The following GP6 variants were observed in gnomAD, a reference collection of about 807,000 sequenced individuals.
GP6 encodes the protein platelet glycoprotein VI.
A neutral mutation model predicts 37.3 loss-of-function variants in GP6; 45 were observed. That is an observed-to-expected ratio of 1.21 (90% CI 0.95 to 1.55). GP6 has a LOEUF of 1.55. GP6 is among the 40% of genes most tolerant of loss of function. The pLI, the probability that GP6 is intolerant of heterozygous loss-of-function variation, is 0.00. For synonymous variants in GP6, 340 were observed against 316.4 expected, an observed-to-expected ratio of 1.07 and a Z score of -0.79; for missense variants, 813 against 760.2, an observed-to-expected ratio of 1.07 and a Z score of -0.82.
chr19:55,037,546 A>G (rs2074878709), intron 1 of GP6, among the ~76,000 whole-genome samples: 1 of 149,704 alleles, frequency 6.7e-6, no homozygotes, highest in Non-Finnish European at 1.5e-5. Context: ...CATGTTGGTC[A>G]GGCTGGTCTC....
chr19:55,029,344 A>T (rs866275171), intron 3 of GP6, among the ~76,000 whole-genome samples: 11 of 2,272 alleles, frequency 4.8e-3, no homozygotes, highest in East Asian at 0.024. Flanking sequence ...ATATATATAT[A>T]TATATATATA....
rs915005564 is a variant in GP6 at position 55,038,242 on chromosome 19, C to T, written c.-6G>A. The T allele has an allele frequency of 1.9e-5, 30 of 1,585,846 alleles. No individual in the cohort carries two copies. The highest frequency in any genetic ancestry group is 2.6e-5 in the Non-Finnish European group (30 of 1,164,882). ...GCGGTCGGGGATGGAGACATGGTTC[C>T]TCAGCCCTGTCCTGAGCTCTGTGGC... On this transcript the variant is annotated 5_prime_UTR_variant, in exon 1 of 8. Coordinates refer to ENST00000310373, the MANE Select transcript of GP6 (RefSeq NM_001083899.2).
chr19:55,026,022 A>T (rs1039354456), intron 4 of GP6, among the ~76,000 whole-genome samples: 1 of 146,852 alleles, frequency 6.8e-6, no homozygotes, highest in Non-Finnish European at 1.5e-5. Context: ...AAAAAAAAAA[A>T]GCAGCAGCAT....
chr19:55,033,187 G>A (rs79093328), intron 1 of GP6, among the ~76,000 whole-genome samples: 3 of 133,432 alleles, frequency 2.2e-5, no homozygotes, highest in Non-Finnish European at 3.2e-5. Flanking sequence ...CGTGTTAGAC[G>A]CGGTGGACTC....
At chr19:55,018,184 G>A (rs1451152003) in intron 6 of GP6, among the ~76,000 whole-genome samples, 1 of 152,222 alleles carries the variant, frequency 6.6e-6, no homozygotes, top group African/African-American at 2.4e-5. Flanking sequence ...GTTTAGTCTG[G>A]AAGGAAATGG....
At chr19:55,018,835 T>C (rs2073969902) in intron 5 of GP6, 124 bp from the exon 6 acceptor site, 1 of 755,438 alleles carries the variant, frequency 1.3e-6, no homozygotes, top group Non-Finnish European at 2.4e-6. Flanking sequence ...GCACAGACAC[T>C]GAAGACAGAC....
intron 7 of GP6, among the ~76,000 whole-genome samples, chr19:55,015,431 T>C (rs1325398014): frequency 3.3e-5 from 5 of 152,184 alleles, no homozygotes; most frequent in Non-Finnish European, 7.3e-5. Context: ...ATCTGATGCA[T>C]TGCAAAAGAG....
At chr19:55,019,469 T>C (rs1375164084) in intron 5 of GP6, among the ~76,000 whole-genome samples, 9 of 152,172 alleles carry the variant, frequency 5.9e-5, no homozygotes, top group Admixed American at 5.9e-4. Flanking sequence ...TTCTTCCAAA[T>C]CCTCACCAAT....
At chr19:55,028,014 G>T in intron 3 of GP6, 152 bp from the exon 4 acceptor site, 1 of 778,296 alleles carries the variant, frequency 1.3e-6, no homozygotes, top group Non-Finnish European at 2.3e-6. Flanking sequence ...CAGAGAGGTC[G>T]AGTCACCCAG....
At chr19:55,034,158 G>GCA (rs147388002) in intron 1 of GP6, among the ~76,000 whole-genome samples, 3 of 147,382 alleles carry the variant, frequency 2.0e-5, no homozygotes, top group African/African-American at 7.9e-5. Context: ...GCATGTGTGT[G>GCA]TGTGTGTGTG....
At chr19:55,021,110 G>A (rs374399922) in intron 5 of GP6, among the ~76,000 whole-genome samples, 5 of 145,926 alleles carry the variant, frequency 3.4e-5, no homozygotes, top group Non-Finnish European at 7.5e-5. Context: ...TGTAATCCCA[G>A]CACTTTGGGA....
At chr19:55,030,554 G>C (rs2074521115) in intron 3 of GP6, among the ~76,000 whole-genome samples, 1 of 151,940 alleles carries the variant, frequency 6.6e-6, no homozygotes, top group South Asian at 2.1e-4. Flanking sequence ...TGTTGGCCAG[G>C]CTGGTCTCAA....
intron 3 of GP6, among the ~76,000 whole-genome samples, chr19:55,031,739 C>T (rs1001312128): frequency 2.0e-5 from 3 of 152,084 alleles, no homozygotes; most frequent in Admixed American, 2.0e-4. Flanking sequence ...AGCAACATAG[C>T]GAGACCCTAT....
chr19:55,023,259 AT>A (rs2074147804), intron 5 of GP6, among the ~76,000 whole-genome samples: 1 of 152,240 alleles, frequency 6.6e-6, no homozygotes, highest in African/African-American at 2.4e-5. Flanking sequence ...TGGGGAAAGG[AT>A]TCCCTATTTA....
In GP6 at chr19:55,029,679, C is replaced by T. The variant is rs539827491; in HGVS notation, c.326-1817G>A. Among the ~76,000 whole-genome samples the T allele has an allele frequency of 1.0e-4, 15 of 150,330 alleles. No individual in the cohort carries two copies. The South Asian group carries it at 1.7e-3, about 17-fold the overall frequency. On this transcript the variant is annotated intron_variant, in intron 3 of 7. Transcript: ENST00000310373. ...TGCTGGCATTACAGGCGTGAGCCACCGTGCCCGACCAGGAATTAAAAATAG... is the reference window on the plus strand; with the variant it reads ...TGCTGGCATTACAGGCGTGAGCCACTGTGCCCGACCAGGAATTAAAAATAG...
chr19:55,016,181 C>T (rs1184741111), intron 6 of GP6, among the ~76,000 whole-genome samples: 1 of 151,808 alleles, frequency 6.6e-6, no homozygotes. Context: ...GGCTGTCCTC[C>T]AGATTTGAAC....
chr19:55,037,703 C>T (rs1231642627), intron 1 of GP6, among the ~76,000 whole-genome samples: 1 of 104,368 alleles, frequency 9.6e-6, no homozygotes, highest in Non-Finnish European at 2.1e-5. Context: ...CTGACCTCAG[C>T]TCACTGCAAC....
At chr19:55,024,507 T>G (rs910059926) in intron 5 of GP6, among the ~76,000 whole-genome samples, 2 of 152,182 alleles carry the variant, frequency 1.3e-5, no homozygotes, top group Non-Finnish European at 2.9e-5. Flanking sequence ...TGCTTCACTC[T>G]GAGACACAGG....
chr19:55,021,205 A>AG (rs2074068957), intron 5 of GP6, among the ~76,000 whole-genome samples: 2 of 149,202 alleles, frequency 1.3e-5, no homozygotes, highest in African/African-American at 2.5e-5. Context: ...CTAAAAGAAA[A>AG]AAAAAAAAAA....
Sources: gnomAD v4.1 joint callset for allele counts (sites outside exome capture counted in the v4.1 genomes callset) on GRCh38, gnomAD v4.1.1 for gene constraint, MANE v1.5 for transcripts, NCBI Gene and HGNC (gene_info 2026-07-23, HGNC 2026-07-21) for gene names.